Variants in IPO9 observed in about 807,000 individuals in gnomAD.
The protein encoded by IPO9 is importin-9.
A neutral mutation model predicts 128.6 loss-of-function variants in IPO9; 28 were observed. The ratio of observed to expected loss-of-function variants is 0.22; its 90% confidence interval spans 0.16 to 0.30. IPO9 has a LOEUF of 0.30. IPO9 is among the 10% of genes least tolerant of loss of function. The pLI is 1.00. For missense variants in IPO9, 935 were observed against 1,293.9 expected (o/e 0.72, Z 4.26); for synonymous variants, 455 against 475.8 (o/e 0.96, Z 0.57).
intron 9 of IPO9, 125 bp from the exon 10 acceptor site, chr1:201,855,658 G>C: frequency 1.2e-6 from 1 of 843,020 alleles, no homozygotes. Context: ...AATTCCTCAG[G>C]AATGATCATT....
chr1:201,846,472 A>G (rs1680126004), intron 1 of IPO9, among the ~76,000 whole-genome samples: 1 of 152,208 alleles, frequency 6.6e-6, no homozygotes, highest in Non-Finnish European at 1.5e-5. Flanking sequence ...TCCCAGGTTC[A>G]AACAATTCTC....
At chr1:201,874,647 T>A (rs535119801) in intron 21 of IPO9, among the ~76,000 whole-genome samples, 185 bp from the exon 22 acceptor site, 1 of 152,140 alleles carries the variant, frequency 6.6e-6, no homozygotes, top group Non-Finnish European at 1.5e-5. Flanking sequence ...TGTCAACACT[T>A]ATATCTCCAG....
intron 15 of IPO9, among the ~76,000 whole-genome samples, chr1:201,868,126 C>A (rs1680588702): frequency 6.6e-6 from 1 of 152,114 alleles, no homozygotes; most frequent in Non-Finnish European, 1.5e-5. Flanking sequence ...AGCTAAAGTT[C>A]CCTTTCTTCA....
Position 201,854,614 on chromosome 1 carries a change from T to A in IPO9, c.710T>A (p.Ile237Asn), listed in dbSNP as rs1243593446. ...TATCAGGGTGCAGCCAAAGTCCTGA[T>A]CTTTCCCGTGGTACAGCAGTTCACA... ...ELEKGAAKVL[I>N]FPVVQQFTEA... Residue 237 changes from isoleucine (I) to asparagine (N), a missense_variant, in exon 7 of 24, where the codon ATC (isoleucine) becomes AAC (asparagine). Physicochemically the swap from Ile to Asn is moderately radical, Grantham distance 149. Transcript: ENST00000361565. The A allele has an allele frequency of 1.2e-6, 2 of 1,614,064 alleles. No individual in the cohort carries two copies. The highest frequency in any genetic ancestry group is 1.7e-6 in the Non-Finnish European group (2 of 1,180,024).
rs1192047363 is a variant in IPO9, at chr1:201,880,015, G to C, written c.*3961G>C. 6.6e-6 allele frequency: 1 copy of C among 152,080 alleles called. No individual in the cohort carries two copies. Among genetic ancestry groups the C allele is most frequent in the Non-Finnish European group, 1.5e-5 (1 of 68,044 alleles). The allele number at this position is 152,080 out of a possible 1,614,324, so 9.4% of individuals were successfully genotyped here. On this transcript the variant is annotated 3_prime_UTR_variant, in exon 24 of 24. Coordinates refer to ENST00000361565, the MANE Select transcript of IPO9 (RefSeq NM_018085.5). ...GATCACACCATTGCACTCCAGCCTG[G>C]GCAACAGAGCAAGATTCTGTCTCAA...
rs1231306358 is a variant in IPO9, at chr1:201,882,899, A to T, written c.*6845A>T. On this transcript the variant is annotated 3_prime_UTR_variant, in exon 24 of 24. Transcript: ENST00000361565. ...AGATGTCCCATCCTATCCCCCACCCATAGCTGGGAGCTATGTTTGGCTCAT... is the reference window on the plus strand; with the variant it reads ...AGATGTCCCATCCTATCCCCCACCCTTAGCTGGGAGCTATGTTTGGCTCAT... The T allele has an allele frequency of 6.6e-6, 1 of 152,660 alleles. No individual in the cohort carries two copies. Among genetic ancestry groups the T allele is most frequent in the African/African-American group, 2.4e-5 (1 of 41,466 alleles). The allele number at this position is 152,660 out of a possible 1,614,324, so 9.5% of individuals were successfully genotyped here.
At position 201,868,808 on chromosome 1, in the gene IPO9, TG is replaced by T; in HGVS notation, c.2004+13del. ...CAGGGCTTTGTGCGGTAAGTGGCCG[TG>T]TGTGTGTGTGTGTGTGTGTGAGAGA... On this transcript the variant is annotated intron_variant, in intron 16 of 23. Coordinates refer to ENST00000361565, the MANE Select transcript of IPO9 (RefSeq NM_018085.5). 1 of 31,670 alleles carries T rather than the reference TG, an allele frequency of 3.2e-5. No individual in the cohort carries two copies. The highest frequency in any genetic ancestry group is 1.1e-4 in the Non-Finnish European group (1 of 9,086). The allele number at this position is 31,670 out of a possible 1,614,324, so 2.0% of individuals were successfully genotyped here.
intron 1 of IPO9, among the ~76,000 whole-genome samples, chr1:201,833,785 C>T (rs1184741052): frequency 1.3e-5 from 2 of 151,630 alleles, no homozygotes; most frequent in Non-Finnish European, 2.9e-5. Flanking sequence ...TTTCATTTTT[C>T]TTTCTTTCTT....
intron 19 of IPO9, among the ~76,000 whole-genome samples, chr1:201,872,617 A>C (rs927267177): frequency 3.3e-5 from 5 of 151,846 alleles, no homozygotes; most frequent in Non-Finnish European, 7.4e-5. Context: ...AACAACAACA[A>C]CAACAACAAC....
In IPO9 at chr1:201,829,228, G is replaced by C. The variant is rs542864513; in HGVS notation, c.19G>C (p.Ala7Pro). The change falls in exon 1 of 24, where the codon GCT becomes CCT. Residue 7 changes from alanine to proline, a missense_variant. This residue lies in a region of IPO9 where 741 missense variants were observed against 1,019.1 expected (regional missense o/e 0.73). Transcript: ENST00000361565. The part of the protein sequence containing the change: MAAAAA[A>P]GAASGLPGPV... The stretch of plus-strand genomic sequence containing the variant: ...AGAAAAGATGGCGGCGGCGGCGGCA[G>C]CTGGTGCGGCCTCCGGGCTGCCGGG... The C allele has an allele frequency of 6.4e-7, 1 of 1,565,578 alleles. No individual in the cohort carries two copies.
Position 201,868,813 on chromosome 1 carries a change from G to A in IPO9, c.2004+17G>A, listed in dbSNP as rs757074951. On this transcript the variant is annotated intron_variant, in intron 16 of 23. Transcript: ENST00000361565. ...CTTTGTGCGGTAAGTGGCCGTGTGT[G>A]TGTGTGTGTGTGTGTGAGAGAGATC... 7.0e-6 allele frequency: 11 copies of A among 1,567,764 alleles called. No individual in the cohort carries two copies. The highest frequency in any genetic ancestry group is 3.4e-5 in the South Asian group (3 of 87,356).
rs779185522 is a variant in IPO9 at position 201,878,472 on chromosome 1, A to C, written c.*2418A>C. ...GACAAACATTCTATATCTAGTGCCA[A>C]AAGTGGTCCTAAATCCTTTGGCAAG... is the stretch of plus-strand genomic sequence containing the variant. On this transcript the variant is annotated 3_prime_UTR_variant, in exon 24 of 24. Transcript: ENST00000361565. 2 of 152,586 alleles carry C rather than the reference A, an allele frequency of 1.3e-5. No homozygotes were observed. The highest frequency in any genetic ancestry group is 2.4e-5 in the African/African-American group (1 of 41,432). 9.5% of individuals were successfully genotyped at this position (152,586 alleles called of 1,614,324 possible). A position where few individuals can be genotyped will look rare whatever the true frequency, so the allele number is the denominator to read the frequency against.
chr1:201,829,327 C>T lies in IPO9; in HGVS notation c.118C>T (p.Arg40Trp), dbSNP rs866856959. ...GATCCTATCCCCAGTACAGGAGGTGCGGGCGGCTGCTGAAGAACAGATTAA... is the reference window on the plus strand; with the variant it reads ...GATCCTATCCCCAGTACAGGAGGTGTGGGCGGCTGCTGAAGAACAGATTAA... Reference protein sequence around the residue: ...TGILSPVQEVRAAAEEQIKVL... With the variant: ...TGILSPVQEVWAAAEEQIKVL... The change falls in exon 1 of 24, where the codon CGG becomes TGG. Residue 40 changes from arginine (R) to tryptophan (W), a missense_variant. Transcript: ENST00000361565. The T allele has an allele frequency of 6.3e-7, 1 of 1,590,746 alleles. No individual in the cohort carries two copies.
chr1:201,847,804 A>G (rs1443159401), intron 3 of IPO9, among the ~76,000 whole-genome samples, 166 bp downstream of exon 3: 1 of 152,218 alleles, frequency 6.6e-6, no homozygotes, highest in East Asian at 1.9e-4. Flanking sequence ...GAGCTCAAGT[A>G]TCAGGCTGGT....
At position 201,829,230 on chromosome 1, in the gene IPO9, T is replaced by C. The variant is rs763421015; in HGVS notation, c.21T>C (p.Ala7=). 2 of 1,567,070 alleles carry C rather than the reference T, an allele frequency of 1.3e-6. No individual in the cohort carries two copies. The highest frequency in any genetic ancestry group is 1.8e-5 in the Admixed American group (1 of 54,362). The change falls in exon 1 of 24, where the codon GCT becomes GCC. Residue 7 remains alanine (A), a synonymous_variant. Transcript: ENST00000361565. ...AAAAGATGGCGGCGGCGGCGGCAGC[T>C]GGTGCGGCCTCCGGGCTGCCGGGTC... MAAAAA[A]GAASGLPGPV...
intron 1 of IPO9, among the ~76,000 whole-genome samples, chr1:201,846,161 A>G (rs146551208): frequency 4.6e-5 from 7 of 152,356 alleles, no homozygotes; most frequent in Non-Finnish European, 8.8e-5. Flanking sequence ...TTAATTTGGA[A>G]GTAAGAGTTA....
rs11420739 is a variant in IPO9, at chr1:201,876,754, G to GAA, written c.*714_*715dup. 0.02 allele frequency: 2,789 copies of GAA among 139,954 alleles called. 69 individuals carry two copies. The highest frequency in any genetic ancestry group is 0.055 in the African/African-American group (2,089 of 37,916). 8.7% of individuals were successfully genotyped at this position (139,954 alleles called of 1,614,324 possible). ...ATGGCAATTTGATCTTCCTTTTTTAGAAAAAAAAAAAAAAATGGGGAAAAG... is the reference window on the plus strand; with the variant it reads ...ATGGCAATTTGATCTTCCTTTTTTAGAAAAAAAAAAAAAAAAATGGGGAAAAG... On this transcript the variant is annotated 3_prime_UTR_variant, in exon 24 of 24. Transcript: ENST00000361565.
intron 10 of IPO9, among the ~76,000 whole-genome samples, chr1:201,856,296 A>G (rs1680328626): frequency 6.6e-6 from 1 of 152,094 alleles, no homozygotes; most frequent in Non-Finnish European, 1.5e-5. Context: ...AAAATCTCAC[A>G]GGACCACTAA....
chr1:201,854,713 A>C lies in IPO9; in HGVS notation c.809A>C (p.Lys270Thr). Residue 270 changes from lysine to threonine, a missense_variant and splice_region_variant, in exon 7 of 24, where the codon AAG becomes ACG. Lys to Thr is a moderately conservative substitution (Grantham distance 78). Coordinates refer to ENST00000361565, the MANE Select transcript of IPO9 (RefSeq NM_018085.5). ...SDSGFKMEVL[K>T]AVTALVKNFP... ...AGTGGGTTTAAGATGGAGGTCCTAA[A>C]GGTAAACACTTACTACCAATGAAAT... is the stretch of plus-strand genomic sequence containing the variant. The C allele has an allele frequency of 6.2e-7, 1 of 1,614,008 alleles. No individual in the cohort carries two copies. Among genetic ancestry groups the C allele is most frequent in the Non-Finnish European group, 8.5e-7 (1 of 1,179,978 alleles).
Sources: gnomAD v4.1 joint callset for allele counts (sites outside exome capture counted in the v4.1 genomes callset) on GRCh38, gnomAD v4.1.1 for gene constraint, gnomAD v4.1.1 regional missense constraint, MANE v1.5 for transcripts, NCBI Gene and HGNC (gene_info 2026-07-23, HGNC 2026-07-21) for gene names.